YEATS4: variants seen among roughly 807,000 people sequenced by gnomAD.
YEATS4 encodes YEATS domain-containing protein 4.
Under a neutral mutation model 30.1 loss-of-function variants are expected in YEATS4, and 17 were observed. The observed-to-expected ratio is 0.56, with a 90% CI of 0.39 to 0.85. The LOEUF (loss-of-function observed/expected upper bound fraction) is 0.85, where lower values mean the gene tolerates loss of function less well. Ranked by LOEUF, YEATS4 falls within the 40% of genes least tolerant of loss-of-function variation. The probability of loss-of-function intolerance (pLI) is 0.00; values close to 1 mark genes in which losing one functional copy is unlikely to be tolerated. For missense variants in YEATS4, 142 were observed against 268.3 expected (o/e 0.53, Z 3.29); for synonymous variants, 85 against 87.5 (o/e 0.97, Z 0.16).
the YEATS4 span, among the ~76,000 whole-genome samples, chr12:69,415,488 G>C: frequency 6.6e-6 from 1 of 152,290 alleles, no homozygotes; most frequent in African/African-American, 2.4e-5. Context: ...TTGAACCCAG[G>C]AGGCAGAGGC....
the YEATS4 span, among the ~76,000 whole-genome samples, chr12:69,403,857 A>G: frequency 6.6e-6 from 1 of 152,182 alleles, no homozygotes; most frequent in South Asian, 2.1e-4. Flanking sequence ...ACCTCTCAGA[A>G]GCATTTGACA....
chr12:69,421,671 C>A, the YEATS4 span, among the ~76,000 whole-genome samples: 3 of 152,128 alleles, frequency 2.0e-5, no homozygotes, highest in African/African-American at 7.2e-5. Flanking sequence ...AAATACAGGA[C>A]AAAACCACAA....
At chr12:69,400,831 T>G in the YEATS4 span, 1 of 152,186 alleles carries the variant, frequency 6.6e-6, no homozygotes, top group African/African-American at 2.4e-5. Context: ...GAAAGGAACT[T>G]GGTACTCATA....
chr12:69,410,570 T>C, the YEATS4 span, among the ~76,000 whole-genome samples: 41 of 152,330 alleles, frequency 2.7e-4, no homozygotes, highest in African/African-American at 8.2e-4. Flanking sequence ...ATGACCATTG[T>C]CATCATAATT....
intron 6 of YEATS4, among the ~76,000 whole-genome samples, chr12:69,377,536 T>G (rs1428198673): frequency 1.3e-5 from 2 of 152,262 alleles, no homozygotes; most frequent in East Asian, 3.9e-4. Flanking sequence ...GCTGGGATTA[T>G]AGGTGTGAGC....
Position 69,359,929 on chromosome 12 carries a change from C to T in YEATS4, c.-44C>T. The stretch of plus-strand genomic sequence containing the variant: ...GAGGGGAGCGGCGACCCCGCCAGCC[C>T]CGGTCTCTTTCCCTGGCGGCGGCGG... On this transcript the variant is annotated 5_prime_UTR_variant, in exon 1 of 7. Coordinates refer to ENST00000247843, the MANE Select transcript of YEATS4 (RefSeq NM_006530.4). 6.2e-7 allele frequency: 1 copy of T among 1,610,958 alleles called. No individual in the cohort carries two copies. Among genetic ancestry groups the T allele is most frequent in the Non-Finnish European group, 8.5e-7 (1 of 1,178,288 alleles).
intron 6 of YEATS4, among the ~76,000 whole-genome samples, chr12:69,377,048 T>A (rs965759580): frequency 8.5e-5 from 13 of 152,182 alleles, no homozygotes; most frequent in Admixed American, 7.2e-4. Context: ...AGTTTTAATG[T>A]CTCCTTTTTC....
intron 6 of YEATS4, among the ~76,000 whole-genome samples, chr12:69,376,047 G>A (rs1036582962): frequency 4.6e-5 from 7 of 152,076 alleles, no homozygotes; most frequent in African/African-American, 1.2e-4. Context: ...CTTTTTTGGT[G>A]GAGTCTTTAG....
chr12:69,422,453 A>C, the YEATS4 span, among the ~76,000 whole-genome samples: 1 of 151,836 alleles, frequency 6.6e-6, no homozygotes, highest in Non-Finnish European at 1.5e-5. Flanking sequence ...CCAACATGGA[A>C]AAACCCTGTC....
downstream of YEATS4, among the ~76,000 whole-genome samples, chr12:69,392,635 A>G (rs1024388728): frequency 6.6e-6 from 1 of 152,250 alleles, no homozygotes; most frequent in Non-Finnish European, 1.5e-5. Context: ...TAGGCAGCTC[A>G]CTTCTTGAAA....
chr12:69,406,356 C>A, the YEATS4 span, among the ~76,000 whole-genome samples: 12 of 152,148 alleles, frequency 7.9e-5, no homozygotes, highest in African/African-American at 2.9e-4. Flanking sequence ...GAAACAAAGT[C>A]TCACTATGTG....
rs921097742 is a variant in YEATS4, at chr12:69,365,806, A to G, written c.255A>G (p.Pro85=). ...GNPLRVVTKP[P]YEITETGWGE... Reference sequence around the variant, plus strand: ...TGTCTTTAGTTGTTACTAAACCTCCATATGAAATTACTGAAACAGGATGGG... The same window carrying G: ...TGTCTTTAGTTGTTACTAAACCTCCGTATGAAATTACTGAAACAGGATGGG... The change falls in exon 4 of 7, where the codon CCA becomes CCG. Residue 85 remains proline, a synonymous_variant. Transcript: ENST00000247843. 2 of 1,609,656 alleles carry G rather than the reference A, an allele frequency of 1.2e-6. No homozygotes were observed. Among genetic ancestry groups the G allele is most frequent in the African/African-American group, 1.3e-5 (1 of 74,720 alleles).
chr12:69,362,013 G>GTTTTTGTTTTTTTTTGTTTTTTTTT (rs1555174243), intron 1 of YEATS4, among the ~76,000 whole-genome samples: 2 of 69,080 alleles, frequency 2.9e-5, no homozygotes. Context: ...GTGTTTGGTT[G>GTTTTTGTTTTTTTTTGTTTTTTTTT]TTTTTTTTTT....
downstream of YEATS4, chr12:69,390,915 G>A (rs315111): frequency 0.46 from 70,142 of 152,124 alleles, 16,216 homozygotes; most frequent in Non-Finnish European, 0.5. Context: ...ATTGTCGCAT[G>A]TAGAAGCTCT....
chr12:69,421,517 G>A, the YEATS4 span, among the ~76,000 whole-genome samples: 1 of 152,140 alleles, frequency 6.6e-6, no homozygotes, highest in African/African-American at 2.4e-5. Context: ...GGAACATAAG[G>A]TCTAAGGAAG....
intron 6 of YEATS4, among the ~76,000 whole-genome samples, chr12:69,384,516 G>A (rs2121046819): frequency 6.6e-6 from 1 of 152,286 alleles, no homozygotes; most frequent in African/African-American, 2.4e-5. Context: ...CATAAATGGT[G>A]TTGGCATAAT....
chr12:69,421,152 A>G, the YEATS4 span, among the ~76,000 whole-genome samples: 2,367 of 152,246 alleles, frequency 0.016, 26 homozygotes, highest in Non-Finnish European at 0.026. Flanking sequence ...GCCACAGCAC[A>G]CAGCTCTGAT....
At chr12:69,364,140 T>C (rs759637397) in intron 2 of YEATS4, 4 of 446,282 alleles carry the variant, frequency 9.0e-6, no homozygotes, top group Admixed American at 2.4e-5. Flanking sequence ...GTGATTCTTA[T>C]GAGACTCTGT....
chr12:69,362,013 G>GTTTTTGTTTTT lies in YEATS4; in HGVS notation c.52-770_52-769insGTTTTTTTTTT, dbSNP rs1555174243. On this transcript the variant is annotated intron_variant, in intron 1 of 6. Transcript: ENST00000247843. ...TTTTTAAATTGTAGGGTGTTTGGTT[G>GTTTTTGTTTTT]TTTTTTTTTTTTTTTTTTTTTGGAG... Among the ~76,000 whole-genome samples the GTTTTTGTTTTT allele has an allele frequency of 5.2e-3, 362 of 68,972 alleles. 6 individuals are homozygous for GTTTTTGTTTTT. Among genetic ancestry groups the GTTTTTGTTTTT allele is most frequent in the Middle Eastern group, 0.017 (2 of 118 alleles). 45.2% of individuals were successfully genotyped at this position (68,972 alleles called of 152,430 possible). A position where few individuals can be genotyped will look rare whatever the true frequency, so the allele number is the denominator to read the frequency against.
Sources: allele counts gnomAD v4.1 joint callset (sites outside exome capture counted in the v4.1 genomes callset), GRCh38; gene constraint gnomAD v4.1.1; transcripts MANE v1.5; gene names NCBI Gene and HGNC (gene_info 2026-07-23, HGNC 2026-07-21).